PSMD1: variants seen among roughly 807,000 people sequenced by gnomAD.
PSMD1 encodes the protein proteasome 26S subunit, non-ATPase 1.
A neutral mutation model predicts 119.0 loss-of-function variants in PSMD1; 18 were observed. That is an observed-to-expected ratio of 0.15 (90% CI 0.10 to 0.22). PSMD1 has a LOEUF of 0.22. Ranked by LOEUF, PSMD1 falls within the 10% of genes least tolerant of loss-of-function variation. The pLI is 1.00. For missense variants in PSMD1, 702 were observed against 1,158.5 expected (o/e 0.61, Z 5.72); for synonymous variants, 374 against 396.6 (o/e 0.94, Z 0.68).
chr2:231,072,371 T>C lies in PSMD1; in HGVS notation c.837T>C (p.Pro279=), dbSNP rs770336652. ...TTGGCACCCCTATTGCTTCTGTGCCTGGATCCACTAATACGGGTACTGTTC... is the reference window on the plus strand; with the variant it reads ...TTGGCACCCCTATTGCTTCTGTGCCCGGATCCACTAATACGGGTACTGTTC... ...RTVGTPIASV[P]GSTNTGTVPG... is the part of the protein sequence containing the mutation. The change falls in exon 7 of 25, where the codon CCT becomes CCC. Residue 279 remains proline (P), a synonymous_variant. Coordinates refer to ENST00000308696, the MANE Select transcript of PSMD1 (RefSeq NM_002807.4). 6.2e-7 allele frequency: 1 copy of C among 1,613,958 alleles called. No homozygotes were observed. Among genetic ancestry groups the C allele is most frequent in the Non-Finnish European group, 8.5e-7 (1 of 1,179,808 alleles).
At chr2:231,166,578 A>T (rs1246652009) in intron 23 of PSMD1, among the ~76,000 whole-genome samples, 1 of 151,606 alleles carries the variant, frequency 6.6e-6, no homozygotes, top group African/African-American at 2.4e-5. Context: ...AAGGATCTTC[A>T]TGGAATTTAA....
chr2:231,134,112 A>G (rs1695916126), intron 16 of PSMD1, among the ~76,000 whole-genome samples: 2 of 152,310 alleles, frequency 1.3e-5, no homozygotes, highest in South Asian at 2.1e-4. Context: ...GATTAAAGCA[A>G]AGTTTTTACT....
intron 17 of PSMD1, among the ~76,000 whole-genome samples, chr2:231,140,028 T>C (rs898417313): frequency 3.3e-5 from 5 of 152,174 alleles, no homozygotes; most frequent in African/African-American, 1.2e-4. Context: ...AAAGTGTGTA[T>C]GTATAAGACT....
At chr2:231,099,947 G>A (rs377308000) in intron 16 of PSMD1, among the ~76,000 whole-genome samples, 18 of 152,078 alleles carry the variant, frequency 1.2e-4, no homozygotes, top group Non-Finnish European at 1.6e-4. Context: ...CAGAGTCATC[G>A]CTGCAGTATG....
intron 16 of PSMD1, among the ~76,000 whole-genome samples, chr2:231,097,849 A>T (rs1256925238): frequency 1.3e-5 from 2 of 152,134 alleles, no homozygotes; most frequent in Admixed American, 6.5e-5. Flanking sequence ...AGCCAATTGG[A>T]CTAAAGCACA....
rs1696632981 is a variant in PSMD1 at position 231,161,249 on chromosome 2, A to AAG, written c.2219-90_2219-89insGA. ...AGACCCTATCTCTTTAAAAAAAAAAAAAAGAAAGAAAGAAAGATATCGTTA... is the reference window on the plus strand; with the variant it reads ...AGACCCTATCTCTTTAAAAAAAAAAAAGAAAGAAAGAAAGAAAGATATCGTTA... On this transcript the variant is annotated intron_variant, in intron 19 of 24. Coordinates refer to ENST00000308696, the MANE Select transcript of PSMD1 (RefSeq NM_002807.4). The AAG allele has an allele frequency of 4.6e-6, 6 of 1,304,258 alleles. No individual in the cohort carries two copies. In the South Asian group the frequency reaches 7.7e-5, roughly 17 times the overall value. 80.8% of individuals were successfully genotyped at this position (1,304,258 alleles called of 1,614,324 possible).
At chr2:231,123,549 A>G (rs1362868395) in intron 16 of PSMD1, 5 of 1,614,082 alleles carry the variant, frequency 3.1e-6, no homozygotes, top group East Asian at 4.5e-5. Context: ...TAACAAGGGT[A>G]TTTCCACCAA....
chr2:231,072,011 T>C (rs1028272087), intron 6 of PSMD1, among the ~76,000 whole-genome samples, 178 bp from the exon 7 acceptor site: 1 of 152,182 alleles, frequency 6.6e-6, no homozygotes, highest in African/African-American at 2.4e-5. Context: ...ACAGATGCCA[T>C]GTTTAGAAAA....
intron 18 of PSMD1, among the ~76,000 whole-genome samples, chr2:231,146,667 T>C (rs1384696401): frequency 6.6e-6 from 1 of 152,228 alleles, no homozygotes; most frequent in Non-Finnish European, 1.5e-5. Flanking sequence ...TTTTAAAATG[T>C]ATTCAGTGGG....
intron 9 of PSMD1, 125 bp from the exon 10 acceptor site, chr2:231,078,533 AT>A (rs1446488523): frequency 3.9e-6 from 2 of 508,246 alleles, no homozygotes; most frequent in Non-Finnish European, 6.6e-6. Context: ...CAAGATCCAT[AT>A]TTTAAATCTC....
intron 16 of PSMD1, among the ~76,000 whole-genome samples, chr2:231,091,187 A>G (rs1329250811): frequency 1.3e-5 from 2 of 152,192 alleles, no homozygotes; most frequent in Admixed American, 6.5e-5. Context: ...AGCAAACACA[A>G]TTTGTGGGTA....
rs751885924 is a variant in PSMD1, at chr2:231,076,985, T to A, written c.943-49T>A. 5.8e-6 allele frequency: 9 copies of A among 1,544,746 alleles called. No individual in the cohort carries two copies. The East Asian group carries it at 2.1e-4, about 36-fold the overall frequency. ...GAAATAAAATTGGGTTACTGGATTA[T>A]AGTAATACTGTTTATGAGTTTTCAT... On this transcript the variant is annotated intron_variant, in intron 8 of 24. Coordinates refer to ENST00000308696, the MANE Select transcript of PSMD1 (RefSeq NM_002807.4).
chr2:231,142,261 A>G (rs1696141679), intron 17 of PSMD1, among the ~76,000 whole-genome samples: 1 of 152,182 alleles, frequency 6.6e-6, no homozygotes, highest in African/African-American at 2.4e-5. Context: ...ATGTATCTTC[A>G]GTTTTACTAG....
At position 231,170,914 on chromosome 2, in the gene PSMD1, C is replaced by T. The variant is rs1696897646; in HGVS notation, c.*9+193C>T. Among the ~76,000 whole-genome samples the T allele has an allele frequency of 6.6e-6, 1 of 152,130 alleles. No individual in the cohort carries two copies. The highest frequency in any genetic ancestry group is 2.4e-5 in the African/African-American group (1 of 41,406). On this transcript the variant is annotated intron_variant, in intron 24 of 24. Transcript: ENST00000308696. This position sits in a 1 kb window ranked among gnomAD's most constrained non-coding sequence, Gnocchi z 4.1. Reference sequence around the variant, plus strand: ...AAATTCCTTTTTCTTTCCTCTTTGACTCGTACTCTACTCACGTTATTCAAA... The same window carrying T: ...AAATTCCTTTTTCTTTCCTCTTTGATTCGTACTCTACTCACGTTATTCAAA...
In PSMD1 at chr2:231,138,645, A is replaced by G. The variant is rs958206999; in HGVS notation, c.1884-91A>G. On this transcript the variant is annotated intron_variant, in intron 16 of 24. Transcript: ENST00000308696. ...TTTTAAATGCTCATTGTTTCCTATA[A>G]CTTTTTCAAAAACAACTTGGTTAAA... The G allele has an allele frequency of 6.7e-6, 6 of 889,554 alleles. No individual in the cohort carries two copies. In the East Asian group the frequency reaches 1.2e-4, roughly 18 times the overall value. The allele number at this position is 889,554 out of a possible 1,614,324, so 55.1% of individuals were successfully genotyped here.
rs548665019 is a variant in PSMD1, at chr2:231,125,599, T to C, written c.1884-13137T>C. Reference sequence around the variant, plus strand: ...GTTTTAGCAGAAACTTTTTTACTGCTTATTTTTAAACAGATGATCTCTGGG... The same window carrying C: ...GTTTTAGCAGAAACTTTTTTACTGCCTATTTTTAAACAGATGATCTCTGGG... On this transcript the variant is annotated intron_variant, in intron 16 of 24. Transcript: ENST00000308696. 4.6e-5 allele frequency among the ~76,000 whole-genome samples: 7 copies of C among 152,390 alleles called. No individual in the cohort carries two copies. In the South Asian group the frequency reaches 1.4e-3, roughly 32 times the overall value.
chr2:231,108,781 A>G (rs1004134952), intron 16 of PSMD1: 26 of 1,613,994 alleles, frequency 1.6e-5, no homozygotes, highest in Admixed American at 3.3e-5. Context: ...TGCAGGTGAT[A>G]TATCGGCCAA....
intron 1 of PSMD1, among the ~76,000 whole-genome samples, chr2:231,057,441 G>A (rs750009229): frequency 1.1e-4 from 17 of 152,226 alleles, no homozygotes; most frequent in East Asian, 9.6e-4. Context: ...TGAACAGTAA[G>A]GCAAACCCCC....
chr2:231,099,559 T>G (rs879279713), intron 16 of PSMD1, among the ~76,000 whole-genome samples: 10 of 152,228 alleles, frequency 6.6e-5, no homozygotes, highest in Non-Finnish European at 1.0e-4. Context: ...TTACCATCTT[T>G]ATCTCCCTTG....
Sources: allele counts gnomAD v4.1 joint callset (sites outside exome capture counted in the v4.1 genomes callset), GRCh38; gene constraint gnomAD v4.1.1; non-coding constraint Gnocchi (gnomAD v3.1); transcripts MANE v1.5; gene names NCBI Gene and HGNC (gene_info 2026-07-23, HGNC 2026-07-21).